ADAMTS18: variants seen among roughly 807,000 people sequenced by gnomAD.
The protein encoded by ADAMTS18 is A disintegrin and metalloproteinase with thrombospondin motifs 18.
Under a neutral mutation model 165.9 loss-of-function variants are expected in ADAMTS18, and 157 were observed. The ratio of observed to expected loss-of-function variants is 0.95; its 90% confidence interval spans 0.83 to 1.08. The LOEUF is 1.08. Ranked by LOEUF, ADAMTS18 falls within the 50% of genes least tolerant of loss-of-function variation. The probability of loss-of-function intolerance (pLI) is 0.00; values close to 1 mark genes in which losing one functional copy is unlikely to be tolerated. For missense variants in ADAMTS18, 2,040 were observed against 1,534.0 expected (o/e 1.33, Z -5.51); for synonymous variants, 782 against 578.2 (o/e 1.35, Z -5.06).
intron 8 of ADAMTS18, among the ~76,000 whole-genome samples, chr16:77,358,636 G>A (rs2056667116): frequency 6.6e-6 from 1 of 152,162 alleles, no homozygotes; most frequent in Admixed American, 6.5e-5. Flanking sequence ...TTGCTTTTAA[G>A]TCAAAAATTA....
intron 3 of ADAMTS18, among the ~76,000 whole-genome samples, chr16:77,405,791 A>T (rs1215075976): frequency 6.6e-6 from 1 of 152,126 alleles, no homozygotes; most frequent in African/African-American, 2.4e-5. Context: ...GTAGAGAAGG[A>T]GATCTCTGGT....
intron 3 of ADAMTS18, among the ~76,000 whole-genome samples, chr16:77,406,276 T>G (rs2057392144): frequency 6.6e-6 from 1 of 152,090 alleles, no homozygotes; most frequent in Non-Finnish European, 1.5e-5. Context: ...AAATAGATGC[T>G]GAAAATATAA....
At chr16:77,329,028 C>T (rs145533469) in intron 12 of ADAMTS18, among the ~76,000 whole-genome samples, 79 of 151,958 alleles carry the variant, frequency 5.2e-4, no homozygotes, top group African/African-American at 1.8e-3. Flanking sequence ...GCCATGGGGC[C>T]GGGTATGGAA....
chr16:77,334,445 ATATAT>A (rs987779841), intron 12 of ADAMTS18, among the ~76,000 whole-genome samples: 1 of 112,340 alleles, frequency 8.9e-6, no homozygotes. Context: ...ATATTATAGT[ATATAT>A]TATATAGTAT....
intron 16 of ADAMTS18, among the ~76,000 whole-genome samples, chr16:77,315,470 T>C (rs773703998): frequency 1.3e-5 from 2 of 152,206 alleles, no homozygotes; most frequent in Non-Finnish European, 2.9e-5. Context: ...CCTGTTGCCA[T>C]GAATGAGGGC....
intron 3 of ADAMTS18, among the ~76,000 whole-genome samples, chr16:77,387,971 C>T (rs1402647374): frequency 6.6e-6 from 1 of 152,194 alleles, no homozygotes; most frequent in South Asian, 2.1e-4. Flanking sequence ...CTCCCAACCC[C>T]CATCCTTTAC....
At chr16:77,330,656 A>T (rs1347071132) in intron 12 of ADAMTS18, among the ~76,000 whole-genome samples, 1 of 152,192 alleles carries the variant, frequency 6.6e-6, no homozygotes, top group Non-Finnish European at 1.5e-5. Context: ...ACTATTTACC[A>T]CTTACATGGG....
intron 3 of ADAMTS18, among the ~76,000 whole-genome samples, chr16:77,406,985 G>A (rs1212271197): frequency 6.6e-6 from 1 of 151,802 alleles, no homozygotes; most frequent in East Asian, 1.9e-4. Context: ...CTACCTATTG[G>A]GTACTCTGCT....
chr16:77,316,337 C>T (rs979861190), intron 16 of ADAMTS18, among the ~76,000 whole-genome samples: 1 of 151,856 alleles, frequency 6.6e-6, no homozygotes, highest in African/African-American at 2.4e-5. Flanking sequence ...TCACTGCAAC[C>T]TCTGCCTCCT....
intron 3 of ADAMTS18, among the ~76,000 whole-genome samples, chr16:77,370,476 G>A (rs544710617): frequency 1.3e-5 from 2 of 152,282 alleles, no homozygotes; most frequent in Non-Finnish European, 2.9e-5. Flanking sequence ...GTGGCCAAGT[G>A]CAGTGGCTCA....
At chr16:77,293,314 TAA>T (rs67517591) in intron 19 of ADAMTS18, 56 bp from the exon 20 acceptor site, 17 of 1,145,074 alleles carry the variant, frequency 1.5e-5, no homozygotes, top group African/African-American at 3.3e-5. Context: ...GTAGCCACAT[TAA>T]AAAAAAAAAC....
chr16:77,363,738 G>A (rs560226898), intron 6 of ADAMTS18, 64 bp downstream of exon 6: 1 of 1,445,886 alleles, frequency 6.9e-7, no homozygotes, highest in African/African-American at 1.4e-5. Context: ...AACACAGTAG[G>A]TGTTCAAGAA....
At chr16:77,308,403 T>C (rs2055719283) in intron 16 of ADAMTS18, among the ~76,000 whole-genome samples, 1 of 152,096 alleles carries the variant, frequency 6.6e-6, no homozygotes, top group East Asian at 1.9e-4. Context: ...ATGTGACTCA[T>C]TCATTGTTGT....
chr16:77,347,823 T>G (rs2056499823), intron 10 of ADAMTS18, among the ~76,000 whole-genome samples: 1 of 152,220 alleles, frequency 6.6e-6, no homozygotes, highest in Admixed American at 6.5e-5. Flanking sequence ...TAATAGAATG[T>G]GCTACCCAGA....
In ADAMTS18 at chr16:77,297,916, C is replaced by CTTTTTTT. The variant is rs34422251; in HGVS notation, c.2675-508_2675-502dup. Among the ~76,000 whole-genome samples, 9 of 61,554 alleles carry CTTTTTTT rather than the reference C, an allele frequency of 1.5e-4. 2 individuals carry two copies. Among genetic ancestry groups the CTTTTTTT allele is most frequent in the African/African-American group, 3.3e-4 (5 of 15,002 alleles). 40.4% of individuals were successfully genotyped at this position (61,554 alleles called of 152,430 possible). A position where few individuals can be genotyped will look rare whatever the true frequency, so the allele number is the denominator to read the frequency against. On this transcript the variant is annotated intron_variant, in intron 17 of 22. Transcript: ENST00000282849. The stretch of plus-strand genomic sequence containing the variant: ...CCTATCAGCCAGGGCTCTGCTTTTG[C>CTTTTTTT]TTTTTTTTTTTTTTTTTTTTTTTTT...
At chr16:77,415,916 T>C (rs1039312675) in intron 3 of ADAMTS18, among the ~76,000 whole-genome samples, 13 of 152,110 alleles carry the variant, frequency 8.5e-5, no homozygotes, top group African/African-American at 1.7e-4. Flanking sequence ...TAACAAACGT[T>C]TGAGTGCCTA....
intron 3 of ADAMTS18, among the ~76,000 whole-genome samples, chr16:77,369,976 A>G (rs1244981428): frequency 2.0e-5 from 3 of 152,198 alleles, no homozygotes; most frequent in East Asian, 3.8e-4. Flanking sequence ...AGAATCAACA[A>G]CGAAAAACAT....
intron 3 of ADAMTS18, among the ~76,000 whole-genome samples, chr16:77,412,273 G>C (rs930458853): frequency 4.6e-5 from 7 of 152,136 alleles, no homozygotes; most frequent in Admixed American, 2.6e-4. Flanking sequence ...TTCTCAACGA[G>C]TCTTGGGACT....
At chr16:77,433,156 A>G (rs1358785693) in intron 2 of ADAMTS18, among the ~76,000 whole-genome samples, 1 of 152,218 alleles carries the variant, frequency 6.6e-6, no homozygotes, top group Non-Finnish European at 1.5e-5. Context: ...AATTTCTTAG[A>G]GAAAGTCTAC....
Sources: allele counts gnomAD v4.1 joint callset (sites outside exome capture counted in the v4.1 genomes callset), GRCh38; gene constraint gnomAD v4.1.1; transcripts MANE v1.5; gene names NCBI Gene and HGNC (gene_info 2026-07-23, HGNC 2026-07-21).